USP40: variants seen among roughly 807,000 people sequenced by gnomAD.
The protein encoded by USP40 is ubiquitin carboxyl-terminal hydrolase 40.
A neutral mutation model predicts 166.2 loss-of-function variants in USP40; 143 were observed. The ratio of observed to expected loss-of-function variants is 0.86; its 90% CI spans 0.75 to 0.99. The LOEUF (loss-of-function observed/expected upper bound fraction) is 0.99. Among genes scored for constraint, USP40 ranks in the 50% least tolerant of loss-of-function variants. The pLI is 0.00. For missense variants in USP40, 1,444 were observed against 1,479.7 expected (o/e 0.98, Z 0.40); for synonymous variants, 498 against 524.0 (o/e 0.95, Z 0.68).
chr2:233,523,522 C>A, intron 15 of USP40, 33 bp from the exon 16 acceptor site: 2 of 1,570,434 alleles, frequency 1.3e-6, no homozygotes, highest in Non-Finnish European at 8.7e-7. Flanking sequence ...ATTAGTACAG[C>A]TGATATTTGC....
Position 233,481,634 on chromosome 2 carries a change from C to T in USP40, c.3505-337G>A, listed in dbSNP as rs530624395. On this transcript the variant is annotated intron_variant, in intron 30 of 31. Transcript: ENST00000678225. ...CCACATCAGCACACGGATCTCTCAT[C>T]GCCGCGCCAGAAGCACAGCTGTTTA... The T allele has an allele frequency of 7.5e-4, 223 of 295,624 alleles. 7 individuals carry two copies. The South Asian group carries it at 0.01, about 13-fold the overall frequency. The allele number at this position is 295,624 out of a possible 1,614,324, so 18.3% of individuals were successfully genotyped here. A position where few individuals can be genotyped will look rare whatever the true frequency, so the allele number is the denominator to read the frequency against.
chr2:233,484,315 G>A (rs1474500456), intron 30 of USP40, among the ~76,000 whole-genome samples: 3 of 152,118 alleles, frequency 2.0e-5, no homozygotes, highest in Non-Finnish European at 4.4e-5. Flanking sequence ...CTATTGTGAG[G>A]TTTGCCTTCC....
intron 26 of USP40, 37 bp from the exon 27 acceptor site, chr2:233,489,520 A>C (rs1238330517): frequency 6.6e-7 from 1 of 1,520,500 alleles, no homozygotes; most frequent in Admixed American, 2.1e-5. Flanking sequence ...AACGGTTTTA[A>C]AAAGCACTCT....
At chr2:233,488,429 C>T (rs1020698115) in intron 27 of USP40, 125 bp from the exon 28 acceptor site, 23 of 850,622 alleles carry the variant, frequency 2.7e-5, no homozygotes, top group Non-Finnish European at 3.6e-5. Context: ...TATAAGAACA[C>T]CCAAACTTTT....
At chr2:233,513,387 C>A (rs1294674950) in intron 18 of USP40, among the ~76,000 whole-genome samples, 7 of 152,160 alleles carry the variant, frequency 4.6e-5, no homozygotes, top group African/African-American at 7.2e-5. Context: ...AGCACTACAA[C>A]ACAACTACAT....
rs756045236 is a variant in USP40 at position 233,485,606 on chromosome 2, C to G, written c.3429G>C (p.Arg1143Ser). The change falls in exon 30 of 32, where the codon AGG (arginine) becomes AGC (serine). Residue 1143 changes from arginine to serine, a missense_variant. Transcript: ENST00000678225. ...ISSWNQQITK[R>S]KKKKKQDYLQ... ...AATAATCTTGTTTTTTTTTCTTTTT[C>G]CTCTTGGTTATTTGTTGGTTCTATG... 1.9e-6 allele frequency: 3 copies of G among 1,609,804 alleles called. No individual in the cohort carries two copies. Among genetic ancestry groups the G allele is most frequent in the Non-Finnish European group, 2.5e-6 (3 of 1,178,320 alleles).
chr2:233,565,334 A>T (rs1330149245), intron 2 of USP40, 22 bp downstream of exon 2: 2 of 1,488,628 alleles, frequency 1.3e-6, no homozygotes, highest in East Asian at 4.9e-5. Flanking sequence ...ATTGCTAGTT[A>T]AATGTACGTA....
At chr2:233,522,747 C>T (rs2067745146) in intron 16 of USP40, among the ~76,000 whole-genome samples, 1 of 152,168 alleles carries the variant, frequency 6.6e-6, no homozygotes, top group Admixed American at 6.5e-5. Context: ...AATGAGTTGT[C>T]TTATGGGTCT....
Position 233,477,019 on chromosome 2 carries a change from C to T in USP40, c.*373G>A. The stretch of plus-strand genomic sequence containing the variant: ...CACGGAGGAAAGTGGCTGGCCTGAC[C>T]CCACACACCTCCCACAGCGGAGCAA... On this transcript the variant is annotated 3_prime_UTR_variant, in exon 32 of 32. Coordinates refer to ENST00000678225, the MANE Select transcript of USP40 (RefSeq NM_001365479.2). 1 of 342,256 alleles carries T rather than the reference C, an allele frequency of 2.9e-6. No individual in the cohort carries two copies. Among genetic ancestry groups the T allele is most frequent in the South Asian group, 2.3e-5 (1 of 43,054 alleles). The allele number at this position is 342,256 out of a possible 1,614,324, so 21.2% of individuals were successfully genotyped here. A position where few individuals can be genotyped will look rare whatever the true frequency, so the allele number is the denominator to read the frequency against.
chr2:233,544,135 T>G (rs1224001954), intron 8 of USP40, among the ~76,000 whole-genome samples: 1 of 152,124 alleles, frequency 6.6e-6, no homozygotes, highest in Non-Finnish European at 1.5e-5. Context: ...ATTCTAGGGT[T>G]CCCATCACCC....
intron 3 of USP40, chr2:233,560,987 T>C (rs2071539215): frequency 1.3e-6 from 1 of 793,320 alleles, no homozygotes; most frequent in Non-Finnish European, 2.2e-6. Flanking sequence ...TGATTCTTTC[T>C]CGGAAGGCAA....
chr2:233,527,939 T>C (rs2068163919), intron 12 of USP40, among the ~76,000 whole-genome samples: 1 of 152,112 alleles, frequency 6.6e-6, no homozygotes, highest in South Asian at 2.1e-4. Context: ...CCATGTCATC[T>C]ATCATCCTTA....
At chr2:233,520,250 A>G (rs2067559672) in intron 17 of USP40, among the ~76,000 whole-genome samples, 1 of 152,122 alleles carries the variant, frequency 6.6e-6, no homozygotes, top group Non-Finnish European at 1.5e-5. Context: ...AGCACCCCAC[A>G]TTGTGAAAAG....
At chr2:233,558,489 T>C (rs1040055005) in intron 4 of USP40, among the ~76,000 whole-genome samples, 4 of 152,176 alleles carry the variant, frequency 2.6e-5, no homozygotes, top group African/African-American at 2.4e-5. Flanking sequence ...AACAGTACTT[T>C]AAGTGAAAGA....
chr2:233,497,330 C>T (rs2065808565), intron 23 of USP40, among the ~76,000 whole-genome samples: 1 of 152,166 alleles, frequency 6.6e-6, no homozygotes, highest in Admixed American at 6.5e-5. Flanking sequence ...ATAAAGGAGC[C>T]ACACAAGATT....
At chr2:233,563,048 C>A (rs2071801151) in intron 2 of USP40, among the ~76,000 whole-genome samples, 1 of 152,132 alleles carries the variant, frequency 6.6e-6, no homozygotes, top group Non-Finnish European at 1.5e-5. Context: ...AATCTTTATG[C>A]ATAAAACTAA....
At chr2:233,547,816 G>A (rs958732186) in intron 8 of USP40, among the ~76,000 whole-genome samples, 5 of 152,200 alleles carry the variant, frequency 3.3e-5, no homozygotes, top group Admixed American at 1.3e-4. Flanking sequence ...GAGTATGTGT[G>A]TGTATATGTG....
chr2:233,481,329 T>G, intron 30 of USP40, 32 bp from the exon 31 acceptor site: 1 of 1,550,392 alleles, frequency 6.4e-7, no homozygotes, highest in Non-Finnish European at 8.8e-7. Flanking sequence ...GAGCAGTGTT[T>G]TCTGACATCT....
intron 11 of USP40, among the ~76,000 whole-genome samples, chr2:233,531,507 A>C (rs1313265586): frequency 6.6e-6 from 1 of 152,222 alleles, no homozygotes; most frequent in Non-Finnish European, 1.5e-5. Context: ...TGTGAAAAAG[A>C]CTAATACTCC....
Sources: gnomAD v4.1 joint callset for allele counts (sites outside exome capture counted in the v4.1 genomes callset) on GRCh38, gnomAD v4.1.1 for gene constraint, MANE v1.5 for transcripts, NCBI Gene and HGNC (gene_info 2026-07-23, HGNC 2026-07-21) for gene names.